DDHD2: variants seen among roughly 807,000 people sequenced by gnomAD.
DDHD2 encodes DDHD domain containing 2, also known as triacylglycerol hydrolase DDHD2.
A neutral mutation model predicts 91.2 loss-of-function variants in DDHD2; 62 were observed. The ratio of observed to expected loss-of-function variants is 0.68; its 90% confidence interval spans 0.55 to 0.84. The LOEUF (loss-of-function observed/expected upper bound fraction) is 0.84, where lower values mean the gene tolerates loss of function less well. Ranked by LOEUF, DDHD2 falls within the 40% of genes least tolerant of loss-of-function variation. The probability of loss-of-function intolerance (pLI) is 0.00; values close to 1 mark genes in which losing one functional copy is unlikely to be tolerated. For synonymous variants in DDHD2, 271 were observed against 293.9 expected (o/e 0.92, Z 0.80); for missense variants, 740 against 846.9 (o/e 0.87, Z 1.57).
intron 3 of DDHD2, among the ~76,000 whole-genome samples, chr8:38,235,869 A>ACG (rs1554511651): frequency 2.2e-4 from 19 of 87,300 alleles, no homozygotes; most frequent in South Asian, 1.3e-3. Context: ...AAAAAAGTAC[A>ACG]CGCGCACACA....
intron 16 of DDHD2, among the ~76,000 whole-genome samples, chr8:38,256,351 G>A (rs1353924970): frequency 6.6e-6 from 1 of 152,086 alleles, no homozygotes; most frequent in Non-Finnish European, 1.5e-5. Context: ...CATCCAGGCT[G>A]GAGTGCAGTG....
rs774309381 is a variant in DDHD2, at chr8:38,234,515, G to T, written c.342G>T (p.Thr114=). 1.9e-6 allele frequency: 3 copies of T among 1,613,154 alleles called. No homozygotes were observed. The Admixed American group carries it at 5.0e-5, about 27-fold the overall frequency. Residue 114 remains threonine, a synonymous_variant, in exon 3 of 18, where the codon ACG becomes ACT. Transcript: ENST00000397166. ...DELASEVRRC[T]WFYKGDKDNK... ...TGGCATCGGAAGTGAGACGATGTACGTGGTTTTACAAGGGGGACAAAGACA... is the reference window on the plus strand; with the variant it reads ...TGGCATCGGAAGTGAGACGATGTACTTGGTTTTACAAGGGGGACAAAGACA...
Position 38,260,095 on chromosome 8 carries a change from A to G in DDHD2, c.2110A>G (p.Ile704Val). Residue 704 changes from isoleucine (I) to valine (V), a missense_variant, in exon 17 of 18, where the codon ATC becomes GTC. Coordinates refer to ENST00000397166, the MANE Select transcript of DDHD2 (RefSeq NM_015214.3). ...CAAAGAGATCTACCAAACCCAGGGT[A>G]TCTTCCTTGATCAGCCTTTACAGTA... is the stretch of plus-strand genomic sequence containing the variant. Reference protein sequence around the residue: ...VLKEIYQTQGIFLDQPLQ With the variant: ...VLKEIYQTQGVFLDQPLQ 1.2e-6 allele frequency: 2 copies of G among 1,613,428 alleles called. No individual in the cohort carries two copies. Among genetic ancestry groups the G allele is most frequent in the East Asian group, 2.2e-5 (1 of 44,860 alleles).
downstream of DDHD2, chr8:38,263,784 T>TCTGAGA: frequency 1.0e-6 from 1 of 985,426 alleles, no homozygotes; most frequent in Non-Finnish European, 1.2e-6. Context: ...AACTCTAGCT[T>TCTGAGA]CTGAGACAAG....
At chr8:38,251,491 C>CA (rs1806105247) in intron 11 of DDHD2, 1 of 159,216 alleles carries the variant, frequency 6.3e-6, no homozygotes, top group African/African-American at 2.4e-5. Context: ...ATTATCTTCC[C>CA]ACAGTGCCCT....
chr8:38,264,068 G>C, downstream of DDHD2: 2 of 989,930 alleles, frequency 2.0e-6, no homozygotes, highest in Non-Finnish European at 2.4e-6. Flanking sequence ...CCTTGGAAGG[G>C]GAAAAAAAGG....
chr8:38,256,485 T>A (rs1806519839), intron 16 of DDHD2, among the ~76,000 whole-genome samples: 1 of 151,936 alleles, frequency 6.6e-6, no homozygotes, highest in Admixed American at 6.6e-5. Flanking sequence ...TGGGCCTAAT[T>A]TTTTTTAAAT....
intron 16 of DDHD2, among the ~76,000 whole-genome samples, chr8:38,256,529 C>T (rs1806523986): frequency 1.3e-5 from 2 of 152,012 alleles, no homozygotes; most frequent in African/African-American, 2.4e-5. Flanking sequence ...CACTATGTTG[C>T]CCCTGCTGGT....
At position 38,245,873 on chromosome 8, in the gene DDHD2, T is replaced by C. The variant is rs1313544170; in HGVS notation, c.980T>C (p.Met327Thr). 6.2e-7 allele frequency: 1 copy of C among 1,614,064 alleles called. No homozygotes were observed. The highest frequency in any genetic ancestry group is 8.5e-7 in the Non-Finnish European group (1 of 1,180,038). Residue 327 changes from methionine (M) to threonine (T), a missense_variant, in exon 8 of 18, where the codon ATG (methionine) becomes ACG (threonine). By Grantham distance (81) the Met-to-Thr change is moderately conservative. Coordinates refer to ENST00000397166, the MANE Select transcript of DDHD2 (RefSeq NM_015214.3). ...ATTGTGGACACAGTTGCTTCTGAAA[T>C]GAACCGAATATACACACTTTTTCTA... ...QTIVDTVASE[M>T]NRIYTLFLQR...
In DDHD2 at chr8:38,233,108, A is replaced by C. The variant is rs145837688; in HGVS notation, c.114A>C (p.Glu38Asp). The change falls in exon 2 of 18, where the codon GAA becomes GAC. Residue 38 changes from glutamate (E) to aspartate (D), a missense_variant. Glu to Asp is a conservative substitution (Grantham distance 45, BLOSUM62 2). This residue lies in a region of DDHD2 where 693 missense variants were observed against 764.2 expected (regional missense o/e 0.91). Coordinates refer to ENST00000397166, the MANE Select transcript of DDHD2 (RefSeq NM_015214.3). ...ACATGGATGCTGGCAGCTTGTATGA[A>C]CCAGTTTCTCCCCATTGGTTTTATT... is the stretch of plus-strand genomic sequence containing the variant. ...LIDMDAGSLYEPVSPHWFYCK... is the reference protein window; with the variant it reads ...LIDMDAGSLYDPVSPHWFYCK... The C allele has an allele frequency of 1.2e-6, 2 of 1,613,978 alleles. No homozygotes were observed. Among genetic ancestry groups the C allele is most frequent in the African/African-American group, 2.7e-5 (2 of 74,910 alleles).
At chr8:38,232,092 G>C (rs1368216330) in intron 1 of DDHD2, 1 of 153,028 alleles carries the variant, frequency 6.5e-6, no homozygotes, top group Non-Finnish European at 1.5e-5. Context: ...GGCCCGGAGC[G>C]GGGCGCCAGG....
At chr8:38,253,895 CAT>C (rs1806306658) in intron 16 of DDHD2, among the ~76,000 whole-genome samples, 177 bp downstream of exon 16, 1 of 152,002 alleles carries the variant, frequency 6.6e-6, no homozygotes, top group Admixed American at 6.6e-5. Flanking sequence ...GCCTGGGAAA[CAT>C]AGCAAGACCT....
At chr8:38,265,335 G>A (rs2130917261), downstream of DDHD2, among the ~76,000 whole-genome samples, 1 of 151,968 alleles carries the variant, frequency 6.6e-6, no homozygotes, top group South Asian at 2.1e-4. Flanking sequence ...TTAAAATAGG[G>A]TTCCTGAGGA....
rs773807615 is a variant in DDHD2, at chr8:38,252,915, C to T, written c.1721-42C>T. 3.7e-6 allele frequency: 6 copies of T among 1,610,632 alleles called. No individual in the cohort carries two copies. In the East Asian group the frequency reaches 1.3e-4, roughly 36 times the overall value. On this transcript the variant is annotated intron_variant, in intron 14 of 17. Transcript: ENST00000397166. Reference sequence around the variant, plus strand: ...CTGTTCAGCTATGTTGGACCCTAAGCTCTTTGTAAATCATTTAATGTTCTT... The same window carrying T: ...CTGTTCAGCTATGTTGGACCCTAAGTTCTTTGTAAATCATTTAATGTTCTT...
chr8:38,268,043 G>A, intron 1 of DDHD2: 2 of 1,601,512 alleles, frequency 1.2e-6, no homozygotes, highest in Non-Finnish European at 1.7e-6. Context: ...CAGCCGTGCT[G>A]TTTCTGAGAT....
At chr8:38,269,059 G>T in intron 1 of DDHD2, 1 of 1,520,738 alleles carries the variant, frequency 6.6e-7, no homozygotes, top group Non-Finnish European at 8.8e-7. Context: ...TGCCCGACCC[G>T]CCGCCCCGTG....
At chr8:38,268,873 T>C in intron 1 of DDHD2, 1 of 1,547,376 alleles carries the variant, frequency 6.5e-7, no homozygotes, top group Non-Finnish European at 8.7e-7. Context: ...ACGATCTTTC[T>C]CCACGCACAA....
chr8:38,268,168 C>G, intron 1 of DDHD2: 1 of 1,288,146 alleles, frequency 7.8e-7, no homozygotes, highest in Non-Finnish European at 1.0e-6. Flanking sequence ...ACAAATAACC[C>G]AGTGCATTTA....
chr8:38,247,984 A>G (rs1805778633), intron 10 of DDHD2, 149 bp downstream of exon 10: 4 of 640,726 alleles, frequency 6.2e-6, no homozygotes, highest in Non-Finnish European at 9.8e-6. Context: ...TTTTTATCAT[A>G]TCAAGTGACC....
Sources: gnomAD v4.1 joint callset for allele counts (sites outside exome capture counted in the v4.1 genomes callset) on GRCh38, gnomAD v4.1.1 for gene constraint, gnomAD v4.1.1 regional missense constraint, MANE v1.5 for transcripts, NCBI Gene and HGNC (gene_info 2026-07-23, HGNC 2026-07-21) for gene names.